The following RAD51B variants were observed in gnomAD, a reference collection of about 807,000 sequenced individuals.
RAD51B encodes RAD51 paralog B, also known as DNA repair protein RAD51 homolog 2.
In RAD51B, 38 loss-of-function variants were observed where a neutral mutation model predicts 42.2. That is an observed-to-expected ratio of 0.90 (90% confidence interval 0.70 to 1.18). RAD51B has a LOEUF of 1.18. Among genes scored for constraint, RAD51B ranks in the 50% most tolerant of loss-of-function variants. The pLI is 0.00. For missense variants in RAD51B, 373 were observed against 400.7 expected, an observed-to-expected ratio of 0.93 and a Z score of 0.59; for synonymous variants, 154 against 145.2, an observed-to-expected ratio of 1.06 and a Z score of -0.43.
intron 7 of RAD51B, among the ~76,000 whole-genome samples, chr14:68,083,247 T>C (rs1483139381): frequency 2.6e-5 from 4 of 152,166 alleles, no homozygotes; most frequent in African/African-American, 9.7e-5. Flanking sequence ...GATTTTAGGG[T>C]CTTTCTATAT....
rs57490316 is a variant in RAD51B, at chr14:68,237,732, CTTT to C, written c.757-54132_757-54130del. Among the ~76,000 whole-genome samples the C allele has an allele frequency of 3.6e-3, 265 of 74,108 alleles. 1 individual carries two copies. Among genetic ancestry groups the C allele is most frequent in the African/African-American group, 0.013 (248 of 19,174 alleles). 48.6% of individuals were successfully genotyped at this position (74,108 alleles called of 152,430 possible). On this transcript the variant is annotated intron_variant, in intron 7 of 10. Transcript: ENST00000471583. ...TACATGGACATGTGTTTTCATTTCT[CTTT>C]TTTTTTTTTTTTTTTTTTTGAGACG...
At chr14:68,333,170 G>A (rs115164909) in intron 8 of RAD51B, among the ~76,000 whole-genome samples, 12 of 152,202 alleles carry the variant, frequency 7.9e-5, no homozygotes, top group Non-Finnish European at 1.6e-4. Flanking sequence ...GGGCCATCCC[G>A]GGACTCCTGT....
chr14:68,674,155 A>G lies in RAD51B; in HGVS notation c.*11+23299A>G, dbSNP rs144807109. On this transcript the variant is annotated intron_variant, in intron 11 of 11. Coordinates refer to the RAD51B transcript ENST00000488612. ...CACACACATATACAATACTGTACAC[A>G]CATATATACACACATACTGTATACA... 2.6e-3 allele frequency among the ~76,000 whole-genome samples: 394 copies of G among 149,180 alleles called. 2 individuals carry two copies. Among genetic ancestry groups the G allele is most frequent in the African/African-American group, 9.0e-3 (358 of 39,784 alleles).
At chr14:68,574,139 C>T (rs1889851811) in intron 10 of RAD51B, among the ~76,000 whole-genome samples, 2 of 152,052 alleles carry the variant, frequency 1.3e-5, no homozygotes, top group Non-Finnish European at 1.5e-5. Flanking sequence ...GACAGGGTCT[C>T]GCTCTGTCAC....
chr14:68,052,888 C>T (rs369644887), intron 7 of RAD51B, among the ~76,000 whole-genome samples: 3 of 152,104 alleles, frequency 2.0e-5, no homozygotes, highest in East Asian at 3.9e-4. Flanking sequence ...CTGCCTTGGG[C>T]TCCCAAAATG....
intron 9 of RAD51B, among the ~76,000 whole-genome samples, chr14:68,429,527 G>A (rs1240163540): frequency 3.3e-5 from 5 of 152,152 alleles, no homozygotes; most frequent in East Asian, 1.9e-4. Flanking sequence ...ATTTTTTCAC[G>A]TGTCTGTTGG....
At chr14:68,245,495 C>G (rs1388464583) in intron 7 of RAD51B, among the ~76,000 whole-genome samples, 1 of 152,192 alleles carries the variant, frequency 6.6e-6, no homozygotes, top group Non-Finnish European at 1.5e-5. Flanking sequence ...CAGAGCTTCC[C>G]AAGAACAGAG....
intron 10 of RAD51B, chr14:68,562,755 G>A: frequency 1.0e-6 from 1 of 985,280 alleles, no homozygotes; most frequent in African/African-American, 1.7e-5. Flanking sequence ...CATCACCAGG[G>A]CATATCTAAA....
chr14:67,865,054 A>C lies in RAD51B; in HGVS notation c.367A>C (p.Ile123Leu), dbSNP rs531102072. Residue 123 changes from isoleucine to leucine, a missense_variant, in exon 5 of 11, where the codon ATT (isoleucine) becomes CTT (leucine). Coordinates refer to ENST00000471583, the MANE Select transcript of RAD51B (RefSeq NM_133510.4). ...GKTQFCIMMS[I>L]LATLPTNMGG... ...AACTCAGTTTTGTATAATGATGAGC[A>C]TTTTGGCTACATTACCCACCAACAT... 2 of 1,466,164 alleles carry C rather than the reference A, an allele frequency of 1.4e-6. No individual in the cohort carries two copies. The highest frequency in any genetic ancestry group is 3.1e-5 in the African/African-American group (2 of 64,412). 90.8% of individuals were successfully genotyped at this position (1,466,164 alleles called of 1,614,324 possible).
At chr14:67,853,698 G>A (rs2041896065) in intron 4 of RAD51B, among the ~76,000 whole-genome samples, 1 of 152,158 alleles carries the variant, frequency 6.6e-6, no homozygotes, top group African/African-American at 2.4e-5. Flanking sequence ...AACTTAGAGT[G>A]GATCTGGAGA....
intron 10 of RAD51B, among the ~76,000 whole-genome samples, chr14:68,535,871 C>G (rs1887588223): frequency 6.6e-6 from 1 of 152,114 alleles, no homozygotes; most frequent in Non-Finnish European, 1.5e-5. Context: ...GAGGTTTGGA[C>G]CAGAGATCAG....
chr14:68,406,100 T>C (rs1251183428), intron 8 of RAD51B, among the ~76,000 whole-genome samples: 1 of 152,204 alleles, frequency 6.6e-6, no homozygotes, highest in Non-Finnish European at 1.5e-5. Context: ...TAATTAGTCA[T>C]TTAGTCAGTA....
chr14:67,988,510 AAAC>A (rs1446055096), intron 7 of RAD51B, among the ~76,000 whole-genome samples: 2 of 152,112 alleles, frequency 1.3e-5, no homozygotes, highest in African/African-American at 4.8e-5. Flanking sequence ...AAGAAATGAA[AAAC>A]AACATCTTGT....
intron 7 of RAD51B, among the ~76,000 whole-genome samples, chr14:68,147,033 A>G (rs1383113687): frequency 6.6e-6 from 1 of 152,210 alleles, no homozygotes; most frequent in Non-Finnish European, 1.5e-5. Flanking sequence ...GCAAGCATTG[A>G]GACTCGCCAC....
intron 7 of RAD51B, among the ~76,000 whole-genome samples, chr14:67,919,446 A>C (rs1197615357): frequency 2.9e-4 from 44 of 152,072 alleles, no homozygotes. Flanking sequence ...CTGGAAAAAA[A>C]CCCTTTATCA....
intron 11 of RAD51B, among the ~76,000 whole-genome samples, chr14:68,660,117 C>A (rs1038483163): frequency 1.3e-5 from 2 of 152,194 alleles, no homozygotes; most frequent in African/African-American, 4.8e-5. Flanking sequence ...GTGAGCACTG[C>A]CCTGACTTGA....
intron 8 of RAD51B, among the ~76,000 whole-genome samples, chr14:68,340,094 T>C (rs1206385643): frequency 6.6e-6 from 1 of 152,220 alleles, no homozygotes; most frequent in African/African-American, 2.4e-5. Flanking sequence ...ACTAATAGTG[T>C]TTACTTAGAA....
At chr14:68,310,312 G>A (rs1346069784) in intron 8 of RAD51B, among the ~76,000 whole-genome samples, 3 of 152,124 alleles carry the variant, frequency 2.0e-5, no homozygotes, top group Non-Finnish European at 4.4e-5. Context: ...AGCTCTGAGG[G>A]CTGTTTTCCC....
At position 68,211,627 on chromosome 14, in the gene RAD51B, A is replaced by G. The variant is rs1022531119; in HGVS notation, c.757-80257A>G. ...CAACAACTTGGTTGGGAAATAAATT[A>G]ATATATAAAACCATCAGATATCAGA... On this transcript the variant is annotated intron_variant, in intron 7 of 10. Transcript: ENST00000471583. Among the ~76,000 whole-genome samples the G allele has an allele frequency of 1.3e-4, 20 of 152,342 alleles. No homozygotes were observed. The East Asian group carries it at 2.9e-3, about 22-fold the overall frequency.
Sources: allele counts gnomAD v4.1 joint callset (sites outside exome capture counted in the v4.1 genomes callset), GRCh38; gene constraint gnomAD v4.1.1; transcripts MANE v1.5; gene names NCBI Gene and HGNC (gene_info 2026-07-23, HGNC 2026-07-21).